SDF4: variants seen among roughly 807,000 people sequenced by gnomAD.
SDF4 encodes the protein stromal cell derived factor 4, also known as 45 kDa calcium-binding protein.
SDF4 carries 22 observed loss-of-function variants against 34.2 expected under a neutral mutation model. That is an observed-to-expected ratio of 0.64 (90% confidence interval 0.46 to 0.92). The LOEUF (loss-of-function observed/expected upper bound fraction) is 0.92, where lower values mean the gene tolerates loss of function less well. SDF4 is among the 40% of genes least tolerant of loss of function. The pLI is 0.00. For synonymous variants in SDF4, 236 were observed against 203.1 expected (o/e 1.16, Z -1.38); for missense variants, 447 against 499.9 (o/e 0.89, Z 1.01).
intron 4 of SDF4, among the ~76,000 whole-genome samples, chr1:1,222,989 A>G (rs934179414): frequency 6.6e-6 from 1 of 151,982 alleles, no homozygotes; most frequent in Non-Finnish European, 1.5e-5. Context: ...GCACATGCAC[A>G]GTGCACTCGT....
intron 4 of SDF4, chr1:1,219,183 G>T: frequency 7.6e-7 from 1 of 1,319,552 alleles, no homozygotes; most frequent in South Asian, 1.5e-5. Context: ...ACACAGCCCG[G>T]ACTCCCCAAG....
In SDF4 at chr1:1,219,647, G is replaced by A. The variant is rs1027613759; in HGVS notation, c.557-720C>T. On this transcript the variant is annotated intron_variant, in intron 4 of 6. Coordinates refer to ENST00000360001, the MANE Select transcript of SDF4 (RefSeq NM_016176.6). ...GGTGTGTGGCCCCCGCTCTCCTGCC[G>A]TGCCCACCCGGCCCCAACGGGCCCT... is the stretch of plus-strand genomic sequence containing the variant. 22 of 986,128 alleles carry A rather than the reference G, an allele frequency of 2.2e-5. No individual in the cohort carries two copies. The African/African-American group carries it at 2.6e-4, about 12-fold the overall frequency. 61.1% of individuals were successfully genotyped at this position (986,128 alleles called of 1,614,324 possible). A position where few individuals can be genotyped will look rare whatever the true frequency, so the allele number is the denominator to read the frequency against.
intron 1 of SDF4, among the ~76,000 whole-genome samples, chr1:1,229,521 C>T (rs578115279): frequency 4.6e-5 from 7 of 152,196 alleles, no homozygotes; most frequent in African/African-American, 1.4e-4. Flanking sequence ...CTTTTTTTTA[C>T]AGACACTGAG....
Position 1,217,211 on chromosome 1 carries a change from G to A in SDF4, c.*301C>T, listed in dbSNP as rs1185972175. On this transcript the variant is annotated 3_prime_UTR_variant, in exon 7 of 7. Coordinates refer to ENST00000360001, the MANE Select transcript of SDF4 (RefSeq NM_016176.6). The surrounding 1 kb of genome is among the most constrained non-coding windows in gnomAD (Gnocchi z 8.5). ...CGCGATGCCGTCAGCGCCTTCGGCA[G>A]AGTGACTGAAGCGAGATTTCGTTCT... The A allele has an allele frequency of 1.2e-5, 2 of 164,180 alleles. No homozygotes were observed. Among genetic ancestry groups the A allele is most frequent in the East Asian group, 1.7e-4 (1 of 6,012 alleles). 10.2% of individuals were successfully genotyped at this position (164,180 alleles called of 1,614,324 possible).
At chr1:1,223,795 G>T (rs530399201) in intron 3 of SDF4, 37 bp downstream of exon 3, 2 of 160,582 alleles carry the variant, frequency 1.2e-5, no homozygotes. Flanking sequence ...TGCCCGCCCC[G>T]CCCACCGCCC....
At chr1:1,222,521 C>G (rs141069078) in intron 4 of SDF4, among the ~76,000 whole-genome samples, 1 of 152,248 alleles carries the variant, frequency 6.6e-6, no homozygotes, top group African/African-American at 2.4e-5. Context: ...GACCACCTGA[C>G]GGCCACACAG....
chr1:1,231,158 T>C (rs1348750340), intron 1 of SDF4, among the ~76,000 whole-genome samples: 4 of 152,238 alleles, frequency 2.6e-5, no homozygotes, highest in Non-Finnish European at 5.9e-5. Context: ...CAAGTGGCGC[T>C]TCCTCTCCTG....
intron 1 of SDF4, among the ~76,000 whole-genome samples, chr1:1,229,397 G>A (rs1455275415): frequency 1.3e-5 from 2 of 152,310 alleles, no homozygotes; most frequent in East Asian, 3.9e-4. Flanking sequence ...ACTCTTTGTA[G>A]AGACGGGTCT....
intron 4 of SDF4, among the ~76,000 whole-genome samples, chr1:1,222,686 C>G (rs369013585): frequency 6.6e-6 from 1 of 152,276 alleles, no homozygotes; most frequent in Non-Finnish European, 1.5e-5. Context: ...AACTGAGTAA[C>G]GGCCGTGAAG....
At chr1:1,229,826 C>G (rs147600344) in intron 1 of SDF4, among the ~76,000 whole-genome samples, 1 of 152,350 alleles carries the variant, frequency 6.6e-6, no homozygotes, top group East Asian at 1.9e-4. Context: ...TTTGCGAAGA[C>G]AGCCAACCCT....
rs778380110 is a variant in SDF4 at position 1,218,544 on chromosome 1, C to T, written c.805G>A (p.Asp269Asn). The change falls in exon 6 of 7, where the codon GAC (aspartate) becomes AAC (asparagine). Residue 269 changes from aspartate (D) to asparagine (N), a missense_variant. Asp to Asn is a conservative substitution (Grantham distance 23). Coordinates refer to ENST00000360001, the MANE Select transcript of SDF4 (RefSeq NM_016176.6). This position sits in a 1 kb window ranked among gnomAD's most constrained non-coding sequence, Gnocchi z 7.9. ...VENQQGQDID[D>N]NWVKDRKKEF... ...TTTTTTCTGTCTTTCACCCAGTTGT[C>T]GTCAATGTCCTGGCCCTGCTGGTTC... 1.5e-5 allele frequency: 24 copies of T among 1,613,972 alleles called. No individual in the cohort carries two copies. Among genetic ancestry groups the T allele is most frequent in the East Asian group, 2.2e-5 (1 of 44,888 alleles).
At chr1:1,229,223 C>T (rs1015579865) in intron 1 of SDF4, among the ~76,000 whole-genome samples, 2 of 152,174 alleles carry the variant, frequency 1.3e-5, no homozygotes, top group African/African-American at 4.8e-5. Context: ...CAGGGTCTTG[C>T]TCTGTCACCC....
chr1:1,227,816 G>A (rs1028079674), intron 2 of SDF4, among the ~76,000 whole-genome samples: 1 of 152,312 alleles, frequency 6.6e-6, no homozygotes, highest in African/African-American at 2.4e-5. Context: ...TGGGGTCGGG[G>A]GAGAAAGCTC....
rs186565010 is a variant in SDF4, at chr1:1,220,456, G to A, written c.557-1529C>T. 92 of 1,187,778 alleles carry A rather than the reference G, an allele frequency of 7.7e-5. No homozygotes were observed. The African/African-American group carries it at 7.8e-4, about 10-fold the overall frequency. 73.6% of individuals were successfully genotyped at this position (1,187,778 alleles called of 1,614,324 possible). On this transcript the variant is annotated intron_variant, in intron 4 of 6. Coordinates refer to ENST00000360001, the MANE Select transcript of SDF4 (RefSeq NM_016176.6). The stretch of plus-strand genomic sequence containing the variant: ...AGGGGTGGGAGGTCGCAGGAGTGAC[G>A]CCTGCCAGCGCTTCCCAGGCCCCTC...
rs1649661776 is a variant in SDF4 at position 1,218,327 on chromosome 1, A to T, written c.891+131T>A. The T allele has an allele frequency of 1.0e-6, 1 of 993,718 alleles. No individual in the cohort carries two copies. The highest frequency in any genetic ancestry group is 1.5e-6 in the Non-Finnish European group (1 of 687,710). The allele number at this position is 993,718 out of a possible 1,614,324, so 61.6% of individuals were successfully genotyped here. A position where few individuals can be genotyped will look rare whatever the true frequency, so the allele number is the denominator to read the frequency against. On this transcript the variant is annotated intron_variant, in intron 6 of 6. Transcript: ENST00000360001. The surrounding 1 kb of genome is among the most constrained non-coding windows in gnomAD (Gnocchi z 7.9). ...GTGGACACCGCTGAGCAAACGCCCC[A>T]GTGACCAGCCCAGATGGAGTCTCAG...
At chr1:1,231,502 C>T (rs1210758754) in intron 1 of SDF4, among the ~76,000 whole-genome samples, 2 of 152,284 alleles carry the variant, frequency 1.3e-5, no homozygotes, top group South Asian at 2.1e-4. Context: ...CCAAATCCTA[C>T]TAACTGGGGA....
chr1:1,218,182 C>T lies in SDF4; in HGVS notation c.891+276G>A, dbSNP rs1570473838. On this transcript the variant is annotated intron_variant, in intron 6 of 6. Coordinates refer to ENST00000360001, the MANE Select transcript of SDF4 (RefSeq NM_016176.6). This position sits in a 1 kb window ranked among gnomAD's most constrained non-coding sequence, Gnocchi z 7.9. ...CAGCATGAGCTTCCCCTTGTGGTCC[C>T]GTTAAAAAGGGGCTGTGAGAACCCT... Among the ~76,000 whole-genome samples, 1 of 152,180 alleles carries T rather than the reference C, an allele frequency of 6.6e-6. No individual in the cohort carries two copies. Among genetic ancestry groups the T allele is most frequent in the African/African-American group, 2.4e-5 (1 of 41,446 alleles).
chr1:1,220,334 C>G, intron 4 of SDF4: 1 of 1,101,096 alleles, frequency 9.1e-7, no homozygotes, highest in Non-Finnish European at 1.1e-6. Context: ...TGATGCCCGC[C>G]TGCCACGCCT....
intron 2 of SDF4, among the ~76,000 whole-genome samples, chr1:1,225,082 G>A (rs1452147655): frequency 6.6e-6 from 1 of 152,232 alleles, no homozygotes; most frequent in African/African-American, 2.4e-5. Flanking sequence ...GGAGGCCACA[G>A]GCCCCAGGAC....
Sources: allele counts gnomAD v4.1 joint callset (sites outside exome capture counted in the v4.1 genomes callset), GRCh38; gene constraint gnomAD v4.1.1; non-coding constraint Gnocchi (gnomAD v3.1); transcripts MANE v1.5; gene names NCBI Gene and HGNC (gene_info 2026-07-23, HGNC 2026-07-21).